Variants in PDCD1LG2 observed in about 807,000 individuals in gnomAD.
PDCD1LG2 encodes the protein B7 dendritic cell molecule.
In PDCD1LG2, 32 loss-of-function variants were observed where a neutral mutation model predicts 28.2. The ratio of observed to expected loss-of-function variants is 1.13; its 90% CI spans 0.86 to 1.52. PDCD1LG2 has a LOEUF of 1.52. Among genes scored for constraint, PDCD1LG2 ranks in the 40% most tolerant of loss-of-function variants. The pLI is 0.00. For missense variants in PDCD1LG2, 385 were observed against 323.8 expected (o/e 1.19, Z -1.45); for synonymous variants, 116 against 120.2 (o/e 0.97, Z 0.23).
intron 6 of PDCD1LG2, among the ~76,000 whole-genome samples, chr9:5,568,221 C>T (rs1324151494): frequency 6.6e-6 from 1 of 152,210 alleles, no homozygotes; most frequent in East Asian, 1.9e-4. Context: ...CCTACAAAGG[C>T]CTCTAAGGCA....
At chr9:5,532,558 C>G (rs893212872) in intron 2 of PDCD1LG2, among the ~76,000 whole-genome samples, 3 of 152,154 alleles carry the variant, frequency 2.0e-5, no homozygotes, top group Non-Finnish European at 4.4e-5. Flanking sequence ...GTGCTAGGTA[C>G]TGGATATATC....
chr9:5,537,832 A>T (rs1385220577), intron 3 of PDCD1LG2, among the ~76,000 whole-genome samples: 1 of 152,246 alleles, frequency 6.6e-6, no homozygotes, highest in Non-Finnish European at 1.5e-5. Flanking sequence ...ATACATATGT[A>T]ACAAACCTGC....
intron 4 of PDCD1LG2, among the ~76,000 whole-genome samples, chr9:5,555,707 G>A (rs1816426130): frequency 6.6e-6 from 1 of 152,190 alleles, no homozygotes; most frequent in South Asian, 2.1e-4. Context: ...TCAAAGCTCA[G>A]TCAGTGCCAA....
intron 4 of PDCD1LG2, 62 bp from the exon 5 acceptor site, chr9:5,557,556 A>C: frequency 6.3e-7 from 1 of 1,585,736 alleles, no homozygotes; most frequent in Admixed American, 1.7e-5. Flanking sequence ...TCATGTGGCC[A>C]GCCTGTTGGT....
chr9:5,519,431 G>C (rs978300474), intron 1 of PDCD1LG2, among the ~76,000 whole-genome samples: 3 of 152,136 alleles, frequency 2.0e-5, no homozygotes, highest in Non-Finnish European at 2.9e-5. Context: ...AAGGCCCCAG[G>C]TGTCAAAGCA....
At chr9:5,531,344 T>G (rs550397909) in intron 2 of PDCD1LG2, among the ~76,000 whole-genome samples, 2 of 152,354 alleles carry the variant, frequency 1.3e-5, no homozygotes, top group South Asian at 4.1e-4. Flanking sequence ...TTATTTTGTA[T>G]GGAGTAATCA....
At chr9:5,538,805 G>C (rs1563827373) in intron 3 of PDCD1LG2, among the ~76,000 whole-genome samples, 1 of 151,776 alleles carries the variant, frequency 6.6e-6, no homozygotes, top group Non-Finnish European at 1.5e-5. Context: ...ACCTTCTTTT[G>C]AGATCATTTT....
intron 2 of PDCD1LG2, among the ~76,000 whole-genome samples, chr9:5,529,027 C>T (rs1026280260): frequency 1.3e-5 from 2 of 152,330 alleles, no homozygotes; most frequent in East Asian, 1.9e-4. Flanking sequence ...CTGCCACGAC[C>T]TTAAGAGTTC....
intron 1 of PDCD1LG2, among the ~76,000 whole-genome samples, chr9:5,512,143 G>A (rs1243190536): frequency 1.3e-5 from 2 of 152,180 alleles, no homozygotes; most frequent in Non-Finnish European, 2.9e-5. Context: ...AGATTGTTGT[G>A]TGTCATTTTA....
chr9:5,521,559 C>G (rs1469975348), intron 1 of PDCD1LG2, among the ~76,000 whole-genome samples: 1 of 152,156 alleles, frequency 6.6e-6, no homozygotes, highest in African/African-American at 2.4e-5. Context: ...ACATTCCTAA[C>G]CGATCTCACT....
At chr9:5,528,404 C>G (rs915870894) in intron 2 of PDCD1LG2, among the ~76,000 whole-genome samples, 1 of 151,486 alleles carries the variant, frequency 6.6e-6, no homozygotes, top group African/African-American at 2.4e-5. Flanking sequence ...CAGGCTCAAG[C>G]GATTCTCCCA....
intron 4 of PDCD1LG2, among the ~76,000 whole-genome samples, chr9:5,555,825 G>A (rs1432545386): frequency 1.3e-5 from 2 of 152,202 alleles, no homozygotes; most frequent in African/African-American, 2.4e-5. Context: ...TAGATTACAT[G>A]GCTGGGCCCA....
chr9:5,522,420 G>C (rs1586793961), intron 1 of PDCD1LG2, 113 bp from the exon 2 acceptor site: 1 of 756,158 alleles, frequency 1.3e-6, no homozygotes, highest in East Asian at 2.6e-5. Flanking sequence ...CTCTACCATG[G>C]TCTGTCACCT....
At chr9:5,534,386 T>C (rs979633923) in intron 2 of PDCD1LG2, among the ~76,000 whole-genome samples, 2 of 152,200 alleles carry the variant, frequency 1.3e-5, no homozygotes, top group Non-Finnish European at 2.9e-5. Context: ...ATATGACAGA[T>C]GACCTGGAAT....
At chr9:5,528,390 C>G (rs957167124) in intron 2 of PDCD1LG2, among the ~76,000 whole-genome samples, 1 of 151,608 alleles carries the variant, frequency 6.6e-6, no homozygotes, top group African/African-American at 2.4e-5. Context: ...CAGCCTCGAT[C>G]TCTCAGGCTC....
intron 1 of PDCD1LG2, among the ~76,000 whole-genome samples, chr9:5,515,564 C>T (rs561159169): frequency 2.6e-5 from 4 of 152,132 alleles, no homozygotes; most frequent in Non-Finnish European, 5.9e-5. Flanking sequence ...AATGAGTGTT[C>T]AACTCTCAGC....
At chr9:5,519,282 A>G (rs968240412) in intron 1 of PDCD1LG2, among the ~76,000 whole-genome samples, 3 of 152,170 alleles carry the variant, frequency 2.0e-5, no homozygotes, top group Non-Finnish European at 4.4e-5. Context: ...AAAGCCCCCA[A>G]TAAATGAGGC....
Position 5,534,741 on chromosome 9 carries a change from T to C in PDCD1LG2, c.56-4T>C, listed in dbSNP as rs1317146618. 1.9e-6 allele frequency: 3 copies of C among 1,584,016 alleles called. No individual in the cohort carries two copies. Among genetic ancestry groups the C allele is most frequent in the Non-Finnish European group, 2.6e-6 (3 of 1,162,188 alleles). On this transcript the variant is annotated splice_polypyrimidine_tract_variant and splice_region_variant and intron_variant, in intron 2 of 6. Coordinates refer to ENST00000397747, the MANE Select transcript of PDCD1LG2 (RefSeq NM_025239.4). Reference sequence around the variant, plus strand: ...AATGACAAAATATCTTGTTTTCTTTTCAGCTTTATTCACAGTGACAGTCCC... The same window carrying C: ...AATGACAAAATATCTTGTTTTCTTTCCAGCTTTATTCACAGTGACAGTCCC...
At chr9:5,565,137 A>T (rs1051954135) in intron 6 of PDCD1LG2, among the ~76,000 whole-genome samples, 2 of 152,212 alleles carry the variant, frequency 1.3e-5, no homozygotes, top group Admixed American at 6.5e-5. Flanking sequence ...CAGGTGTCCA[A>T]GTCCAGAATC....
Sources: gnomAD v4.1 joint callset for allele counts (sites outside exome capture counted in the v4.1 genomes callset) on GRCh38, gnomAD v4.1.1 for gene constraint, MANE v1.5 for transcripts, NCBI Gene and HGNC (gene_info 2026-07-23, HGNC 2026-07-21) for gene names.